NUP58: variants seen among roughly 807,000 people sequenced by gnomAD.
NUP58 encodes nucleoporin p58/p45.
In NUP58, 17 loss-of-function variants were observed where a neutral mutation model predicts 70.1. That is an observed-to-expected ratio of 0.24 (90% CI 0.17 to 0.36). The LOEUF (loss-of-function observed/expected upper bound fraction) is 0.36, where lower values mean the gene tolerates loss of function less well. NUP58 is among the 10% of genes least tolerant of loss of function. NUP58 has a pLI of 1.00. For synonymous variants in NUP58, 275 were observed against 257.6 expected (o/e 1.07, Z -0.65); for missense variants, 644 against 701.5 (o/e 0.92, Z 0.93).
chr13:25,327,376 G>A, intron 11 of NUP58, 54 bp from the exon 12 acceptor site: 1 of 1,154,286 alleles, frequency 8.7e-7, no homozygotes, highest in South Asian at 1.5e-5. Context: ...AAATAAAATG[G>A]ATTGTGCTAT....
intron 13 of NUP58, chr13:25,333,088 A>G: frequency 2.0e-6 from 2 of 985,322 alleles, no homozygotes; most frequent in Non-Finnish European, 2.4e-6. Flanking sequence ...TCTATGATAA[A>G]TACCTAAACT....
intron 1 of NUP58, among the ~76,000 whole-genome samples, chr13:25,305,986 T>C (rs1168267594): frequency 1.3e-5 from 2 of 152,216 alleles, no homozygotes; most frequent in Non-Finnish European, 2.9e-5. Flanking sequence ...GCTCCCTTGC[T>C]ATTCCTGGCA....
At chr13:25,313,417 C>G (rs1051028671) in intron 4 of NUP58, among the ~76,000 whole-genome samples, 197 bp from the exon 5 acceptor site, 1 of 152,176 alleles carries the variant, frequency 6.6e-6, no homozygotes, top group African/African-American at 2.4e-5. Context: ...CTCCTCAAAG[C>G]CCTTATTTCT....
intron 5 of NUP58, 81 bp downstream of exon 5, chr13:25,313,832 G>A: frequency 5.1e-6 from 6 of 1,183,614 alleles, no homozygotes; most frequent in Non-Finnish European, 6.8e-6. Context: ...CTTTGAGCAG[G>A]TCACTTTTTA....
At chr13:25,331,073 ACT>A (rs1317920426) in intron 12 of NUP58, among the ~76,000 whole-genome samples, 1 of 152,178 alleles carries the variant, frequency 6.6e-6, no homozygotes, top group Non-Finnish European at 1.5e-5. Flanking sequence ...TTTAAATATT[ACT>A]CTGTCTAAAA....
At position 25,312,994 on chromosome 13, in the gene NUP58, G is replaced by A; in HGVS notation, c.398G>A (p.Gly133Asp). The part of the protein sequence containing the change: ...ALPITSTSAS[G>D]LTLSSALTST... ...CCTATTACCTCTACCTCAGCTAGCG[G>A]TCTGACTCTTTCGTCTGCTCTGACA... Residue 133 changes from glycine (G) to aspartate (D), a missense_variant, in exon 4 of 16, where the codon GGT becomes GAT. By Grantham distance (94) the Gly-to-Asp change is moderately conservative (BLOSUM62 -1). Coordinates refer to ENST00000381736, the MANE Select transcript of NUP58 (RefSeq NM_014089.4). The A allele has an allele frequency of 6.2e-7, 1 of 1,614,134 alleles. No homozygotes were observed. Among genetic ancestry groups the A allele is most frequent in the East Asian group, 2.2e-5 (1 of 44,880 alleles).
chr13:25,336,941 C>T lies in NUP58; in HGVS notation c.1441C>T (p.Gln481Ter). ...TTTTTTTTTTTTTATACCAGGGCCA[C>T]AGCCATCTCTGGGAGTTAGTTTTGG... ...TQQQQPATGP[Q>*]PSLGVSFGTP... Residue 481 changes from glutamine (Q) to a stop codon, truncating the protein, a stop_gained, in exon 14 of 16, where the codon CAG becomes TAG. Coordinates refer to ENST00000381736, the MANE Select transcript of NUP58 (RefSeq NM_014089.4). LOFTEE classifies it high-confidence loss of function. The T allele has an allele frequency of 6.4e-7, 1 of 1,571,230 alleles. No homozygotes were observed. Among genetic ancestry groups the T allele is most frequent in the Non-Finnish European group, 8.6e-7 (1 of 1,162,186 alleles).
intron 13 of NUP58, chr13:25,332,326 T>G: frequency 1.0e-6 from 1 of 985,436 alleles, no homozygotes; most frequent in Non-Finnish European, 1.2e-6. Context: ...TCTACAGTGT[T>G]TTATTTGGTC....
rs1341091466 is a variant in NUP58 at position 25,313,692 on chromosome 13, G to C, written c.515G>C (p.Gly172Ala). 3.3e-6 allele frequency: 5 copies of C among 1,531,384 alleles called. No homozygotes were observed. Among genetic ancestry groups the C allele is most frequent in the East Asian group, 2.6e-5 (1 of 38,822 alleles). The allele number at this position is 1,531,384 out of a possible 1,614,324, so 94.9% of individuals were successfully genotyped here. A position where few individuals can be genotyped will look rare whatever the true frequency, so the allele number is the denominator to read the frequency against. The change falls in exon 5 of 16, where the codon GGG becomes GCG. Residue 172 changes from glycine (G) to alanine (A), a missense_variant. By Grantham distance (60) the Gly-to-Ala change is moderately conservative. This residue lies in a region of NUP58 where 430 missense variants were observed against 409.2 expected (regional missense o/e 1.05). Coordinates refer to ENST00000381736, the MANE Select transcript of NUP58 (RefSeq NM_014089.4). Reference protein sequence around the residue: ...TTTASTGLSLGGALAGLGGSL... With the variant: ...TTTASTGLSLAGALAGLGGSL... ...ACTGCATCAACAGGCCTCTCTTTAG[G>C]GGGAGCCTTAGCTGGTTTGGGAGGT...
In NUP58 at chr13:25,313,956, T is replaced by C. The variant is rs554727974; in HGVS notation, c.574+205T>C. On this transcript the variant is annotated intron_variant, in intron 5 of 15. Transcript: ENST00000381736. ...TTTATTTATTTATTTTGAGATGGAGTCTTGCTCTGTCACCCAGGCTGGAGT... is the reference window on the plus strand; with the variant it reads ...TTTATTTATTTATTTTGAGATGGAGCCTTGCTCTGTCACCCAGGCTGGAGT... 3.1e-3 allele frequency among the ~76,000 whole-genome samples: 476 copies of C among 152,248 alleles called. 1 individual carries two copies. Among genetic ancestry groups the C allele is most frequent in the African/African-American group, 0.011 (455 of 41,530 alleles).
At chr13:25,312,788 CT>C (rs1349386750) in intron 3 of NUP58, 94 bp from the exon 4 acceptor site, 22 of 1,264,048 alleles carry the variant, frequency 1.7e-5, no homozygotes, top group Non-Finnish European at 2.4e-5. Flanking sequence ...GTATCATGAA[CT>C]TTTAAGGATC....
chr13:25,339,851 C>A, intron 15 of NUP58, 114 bp from the exon 16 acceptor site: 1 of 887,302 alleles, frequency 1.1e-6, no homozygotes, highest in Non-Finnish European at 1.7e-6. Flanking sequence ...AATATATTTG[C>A]TATTCTTACA....
At position 25,313,687 on chromosome 13, in the gene NUP58, T is replaced by A; in HGVS notation, c.510T>A (p.Ser170=). The A allele has an allele frequency of 6.5e-7, 1 of 1,532,610 alleles. No homozygotes were observed. The highest frequency in any genetic ancestry group is 8.7e-7 in the Non-Finnish European group (1 of 1,152,836). The allele number at this position is 1,532,610 out of a possible 1,614,324, so 94.9% of individuals were successfully genotyped here. The change falls in exon 5 of 16, where the codon TCT becomes TCA. Residue 170 remains serine, a synonymous_variant. Transcript: ENST00000381736. Reference sequence around the variant, plus strand: ...CTACAACTGCATCAACAGGCCTCTCTTTAGGGGGAGCCTTAGCTGGTTTGG... The same window carrying A: ...CTACAACTGCATCAACAGGCCTCTCATTAGGGGGAGCCTTAGCTGGTTTGG... ...ATTTTASTGL[S]LGGALAGLGG... is the part of the protein sequence containing the mutation.
At chr13:25,320,822 T>C in intron 8 of NUP58, 97 bp from the exon 9 acceptor site, 1 of 862,186 alleles carries the variant, frequency 1.2e-6, no homozygotes, top group Non-Finnish European at 1.7e-6. Flanking sequence ...TTTAGTTTTG[T>C]ATTTTAAAAC....
intron 1 of NUP58, among the ~76,000 whole-genome samples, chr13:25,304,596 A>G (rs1352643813): frequency 2.7e-5 from 4 of 148,120 alleles, no homozygotes; most frequent in African/African-American, 1.0e-4. Context: ...GGCTCATTGC[A>G]ACCTCCACCT....
chr13:25,310,216 T>A (rs1022015321), intron 3 of NUP58, among the ~76,000 whole-genome samples: 12 of 140,398 alleles, frequency 8.5e-5, no homozygotes, highest in African/African-American at 3.3e-4. Context: ...ATTTTTTTTT[T>A]TTTTTTTTTT....
intron 1 of NUP58, among the ~76,000 whole-genome samples, chr13:25,307,212 T>A (rs1300571998): frequency 3.1e-4 from 2 of 6,412 alleles, no homozygotes; most frequent in African/African-American, 4.4e-4. Flanking sequence ...TGGTATTGTA[T>A]TTTTTTTTTT....
intron 15 of NUP58, among the ~76,000 whole-genome samples, chr13:25,339,049 A>G (rs2031876827): frequency 6.6e-6 from 1 of 152,202 alleles, no homozygotes; most frequent in Admixed American, 6.5e-5. Context: ...ACAAAAAGGA[A>G]CCCATCATTG....
downstream of NUP58, among the ~76,000 whole-genome samples, chr13:25,343,517 A>G (rs2032005327): frequency 6.7e-6 from 1 of 148,312 alleles, no homozygotes; most frequent in African/African-American, 2.5e-5. Flanking sequence ...GGCTGATGCC[A>G]TCTCGGCTCA....
Sources: gnomAD v4.1 joint callset for allele counts (sites outside exome capture counted in the v4.1 genomes callset) on GRCh38, gnomAD v4.1.1 for gene constraint, gnomAD v4.1.1 regional missense constraint, MANE v1.5 for transcripts, NCBI Gene and HGNC (gene_info 2026-07-23, HGNC 2026-07-21) for gene names.